Variants in LHX4 observed in about 807,000 individuals in gnomAD.
LHX4 encodes the protein LIM/homeobox protein Lhx4.
Under a neutral mutation model 39.2 loss-of-function variants are expected in LHX4, and 16 were observed. The observed-to-expected ratio is 0.41, with a 90% CI of 0.28 to 0.62. The LOEUF is 0.62. Ranked by LOEUF, LHX4 falls within the 20% of genes least tolerant of loss-of-function variation. LHX4 has a pLI of 0.33. For synonymous variants in LHX4, 206 were observed against 198.1 expected, an observed-to-expected ratio of 1.04 and a Z score of -0.33; for missense variants, 439 against 511.9, an observed-to-expected ratio of 0.86 and a Z score of 1.37.
At position 180,253,248 on chromosome 1, in the gene LHX4, T is replaced by C. The variant is rs557759818; in HGVS notation, c.248+4792T>C. ...TGTCATGGATCCTTCTCATGTCTCC[T>C]CAAAAAGGGACCAGGGCCCAGAGAG... On this transcript the variant is annotated intron_variant, in intron 2 of 5. Coordinates refer to ENST00000263726, the MANE Select transcript of LHX4 (RefSeq NM_033343.4). 1.3e-3 allele frequency among the ~76,000 whole-genome samples: 202 copies of C among 152,300 alleles called. 1 individual carries two copies. Among genetic ancestry groups the C allele is most frequent in the African/African-American group, 4.7e-3 (196 of 41,554 alleles).
intron 2 of LHX4, among the ~76,000 whole-genome samples, chr1:180,261,817 G>A (rs1291812848): frequency 6.6e-6 from 1 of 152,170 alleles, no homozygotes; most frequent in African/African-American, 2.4e-5. Flanking sequence ...CATTCTTAAG[G>A]AACTGCCAAC....
intron 1 of LHX4, 50 bp from the exon 2 acceptor site, chr1:180,248,235 G>T: frequency 6.3e-7 from 1 of 1,599,074 alleles, no homozygotes; most frequent in Non-Finnish European, 8.5e-7. Flanking sequence ...GGCCTGGTTA[G>T]CAGGGCTGTG....
At chr1:180,256,442 C>T (rs1647858259) in intron 2 of LHX4, among the ~76,000 whole-genome samples, 1 of 152,218 alleles carries the variant, frequency 6.6e-6, no homozygotes. Context: ...CAGGGCTGGT[C>T]TCTGGTGGGC....
At chr1:180,240,845 G>A (rs915953428) in intron 1 of LHX4, among the ~76,000 whole-genome samples, 59 of 152,318 alleles carry the variant, frequency 3.9e-4, no homozygotes, top group African/African-American at 1.3e-3. Flanking sequence ...ATGGGCCACT[G>A]TGAAAAATAA....
At position 180,232,299 on chromosome 1, in the gene LHX4, C is replaced by A. The variant is rs539539085; in HGVS notation, c.76+1694C>A. 6.6e-6 allele frequency among the ~76,000 whole-genome samples: 1 copy of A among 152,268 alleles called. No homozygotes were observed. The highest frequency in any genetic ancestry group is 1.9e-4 in the East Asian group (1 of 5,174). Reference sequence around the variant, plus strand: ...TCCGTAGGTGACCTGTCTGTTGGGACCCCAATGAAGGACGATGGTCTCTGC... The same window carrying A: ...TCCGTAGGTGACCTGTCTGTTGGGAACCCAATGAAGGACGATGGTCTCTGC... On this transcript the variant is annotated intron_variant, in intron 1 of 5. Coordinates refer to ENST00000263726, the MANE Select transcript of LHX4 (RefSeq NM_033343.4). The surrounding 1 kb of genome is among the most constrained non-coding windows in gnomAD (Gnocchi z 5.4).
chr1:180,241,220 C>G (rs1003670949), intron 1 of LHX4, among the ~76,000 whole-genome samples: 11 of 152,134 alleles, frequency 7.2e-5, no homozygotes, highest in African/African-American at 2.7e-4. Flanking sequence ...TGCCAGATCC[C>G]TTTATTCCAG....
chr1:180,229,970 G>C (rs923931450), upstream of LHX4, among the ~76,000 whole-genome samples: 2 of 143,990 alleles, frequency 1.4e-5, no homozygotes, highest in Admixed American at 6.7e-5. Context: ...GGGGAGGGGG[G>C]GGGGGTGCCG....
Position 180,248,553 on chromosome 1 carries a change from G to A in LHX4, c.248+97G>A. The A allele has an allele frequency of 4.5e-6, 6 of 1,343,372 alleles. No homozygotes were observed. In the Admixed American group the frequency reaches 1.0e-4, roughly 23 times the overall value. 83.2% of individuals were successfully genotyped at this position (1,343,372 alleles called of 1,614,324 possible). On this transcript the variant is annotated intron_variant, in intron 2 of 5. Transcript: ENST00000263726. ...GCAGCAGGGTAGGCCAGGGAGGGTG[G>A]AGAGTCCACTCTGGGAGGGGCAGGT...
rs2149250949 is a variant in LHX4 at position 180,232,001 on chromosome 1, C to A, written c.76+1396C>A. Among the ~76,000 whole-genome samples the A allele has an allele frequency of 6.6e-6, 1 of 152,356 alleles. No homozygotes were observed. Among genetic ancestry groups the A allele is most frequent in the African/African-American group, 2.4e-5 (1 of 41,592 alleles). ...TCGTGTCAACTGCCGGCAATCAGTT[C>A]CACGTCTGTGTTGAGCCTTGGGGAG... On this transcript the variant is annotated intron_variant, in intron 1 of 5. Transcript: ENST00000263726. This position sits in a 1 kb window ranked among gnomAD's most constrained non-coding sequence, Gnocchi z 5.4.
intron 2 of LHX4, among the ~76,000 whole-genome samples, chr1:180,249,020 T>C (rs1163616944): frequency 6.6e-6 from 1 of 152,198 alleles, no homozygotes; most frequent in Non-Finnish European, 1.5e-5. Flanking sequence ...AAAGAGGCAG[T>C]TTCATGTGAT....
intron 1 of LHX4, among the ~76,000 whole-genome samples, chr1:180,240,165 G>A (rs1664414706): frequency 6.6e-6 from 1 of 152,168 alleles, no homozygotes; most frequent in Non-Finnish European, 1.5e-5. Flanking sequence ...ATATTAATCT[G>A]GTCTCAGAGC....
In LHX4 at chr1:180,278,269, T is replaced by TTTTG. The variant is rs1443187740; in HGVS notation, c.*3694_*3697dup. On this transcript the variant is annotated 3_prime_UTR_variant, in exon 6 of 6. Coordinates refer to ENST00000263726, the MANE Select transcript of LHX4 (RefSeq NM_033343.4). Reference sequence around the variant, plus strand: ...AAAAATTCAATTAAGCGGAAATGAGTTTTGTTTTATTGCCTGCTGCTGAAG... The same window carrying TTTTG: ...AAAAATTCAATTAAGCGGAAATGAGTTTTGTTTGTTTTATTGCCTGCTGCTGAAG... The TTTTG allele has an allele frequency of 4.0e-5, 6 of 151,842 alleles. No individual in the cohort carries two copies. The highest frequency in any genetic ancestry group is 1.5e-4 in the African/African-American group (6 of 41,308). The allele number at this position is 151,842 out of a possible 1,614,324, so 9.4% of individuals were successfully genotyped here. A position where few individuals can be genotyped will look rare whatever the true frequency, so the allele number is the denominator to read the frequency against.
intron 3 of LHX4, among the ~76,000 whole-genome samples, chr1:180,267,253 C>A (rs1648356945): frequency 6.6e-6 from 1 of 152,228 alleles, no homozygotes; most frequent in Non-Finnish European, 1.5e-5. Context: ...CTGCCCCCAC[C>A]CCCTTCACCA....
chr1:180,258,050 C>T (rs550985975), intron 2 of LHX4, among the ~76,000 whole-genome samples: 19 of 152,356 alleles, frequency 1.2e-4, no homozygotes, highest in African/African-American at 2.6e-4. Context: ...CACATATCGT[C>T]AGCCAGGTCC....
rs1001064814 is a variant in LHX4 at position 180,275,722 on chromosome 1, C to G, written c.*1143C>G. 2.0e-5 allele frequency: 3 copies of G among 152,114 alleles called. No homozygotes were observed. The highest frequency in any genetic ancestry group is 4.4e-5 in the Non-Finnish European group (3 of 68,042). 9.4% of individuals were successfully genotyped at this position (152,114 alleles called of 1,614,324 possible). A position where few individuals can be genotyped will look rare whatever the true frequency, so the allele number is the denominator to read the frequency against. ...TGGGAAGAGTAATTTAGGGAGCAGC[C>G]CTAAAATTGTCCAAAGGGTTCTAAG... On this transcript the variant is annotated 3_prime_UTR_variant, in exon 6 of 6. Coordinates refer to ENST00000263726, the MANE Select transcript of LHX4 (RefSeq NM_033343.4).
In LHX4 at chr1:180,230,396, G is replaced by C. The variant is rs565557892; in HGVS notation, c.-134G>C. The C allele has an allele frequency of 5.8e-5, 44 of 756,672 alleles. No homozygotes were observed. Among genetic ancestry groups the C allele is most frequent in the African/African-American group, 4.8e-4 (28 of 58,040 alleles). 46.9% of individuals were successfully genotyped at this position (756,672 alleles called of 1,614,324 possible). ...GCCTGTGGAGTCCTCCCTGAGAAGC[G>C]GAGGGCCCGGCTTCCACCGTGACTC... On this transcript the variant is annotated 5_prime_UTR_variant, in exon 1 of 6. Transcript: ENST00000263726. This position sits in a 1 kb window ranked among gnomAD's most constrained non-coding sequence, Gnocchi z 5.8.
chr1:180,258,303 C>T (rs1647955150), intron 2 of LHX4, among the ~76,000 whole-genome samples: 1 of 152,088 alleles, frequency 6.6e-6, no homozygotes. Flanking sequence ...GGAGAGCGTG[C>T]CAGCAGGGAA....
In LHX4 at chr1:180,234,183, AT is replaced by A. The variant is rs1664252325; in HGVS notation, c.76+3579del. 8.5e-5 allele frequency among the ~76,000 whole-genome samples: 3 copies of A among 35,120 alleles called. No individual in the cohort carries two copies. Among genetic ancestry groups the A allele is most frequent in the African/African-American group, 3.6e-4 (3 of 8,314 alleles). 23.0% of individuals were successfully genotyped at this position (35,120 alleles called of 152,430 possible). A position where few individuals can be genotyped will look rare whatever the true frequency, so the allele number is the denominator to read the frequency against. On this transcript the variant is annotated intron_variant, in intron 1 of 5. Coordinates refer to ENST00000263726, the MANE Select transcript of LHX4 (RefSeq NM_033343.4). The surrounding 1 kb of genome is among the most constrained non-coding windows in gnomAD (Gnocchi z 4.8). ...ACACACACAAATTATATATATATAT[AT>A]ATATATATATATATATATATATATA...
Position 180,274,604 on chromosome 1 carries a change from G to GC in LHX4, c.*31dup, listed in dbSNP as rs546149199. On this transcript the variant is annotated 3_prime_UTR_variant, in exon 6 of 6. Transcript: ENST00000263726. ...AACTTCTCTCCTCCCCACCCTACCT[G>GC]CCCCCCTGGCTTGAGAGAATATCTT... is the stretch of plus-strand genomic sequence containing the variant. The GC allele has an allele frequency of 5.1e-4, 783 of 1,536,926 alleles. No individual in the cohort carries two copies. The highest frequency in any genetic ancestry group is 6.5e-4 in the Non-Finnish European group (742 of 1,144,754).
Sources: allele counts gnomAD v4.1 joint callset (sites outside exome capture counted in the v4.1 genomes callset), GRCh38; gene constraint gnomAD v4.1.1; non-coding constraint Gnocchi (gnomAD v3.1); transcripts MANE v1.5; gene names NCBI Gene and HGNC (gene_info 2026-07-23, HGNC 2026-07-21).